The following PRKCE variants were observed in gnomAD, a reference collection of about 807,000 sequenced individuals.
The protein encoded by PRKCE is protein kinase C epsilon type.
A neutral mutation model predicts 85.4 loss-of-function variants in PRKCE; 16 were observed. The observed-to-expected ratio is 0.19, with a 90% confidence interval of 0.13 to 0.28. PRKCE has a LOEUF of 0.28. PRKCE is among the 10% of genes least tolerant of loss of function. PRKCE has a pLI of 1.00. For missense variants in PRKCE, 573 were observed against 975.2 expected (o/e 0.59, Z 5.49); for synonymous variants, 388 against 371.5 (o/e 1.04, Z -0.51).
At chr2:45,682,571 C>T (rs1471343140) in intron 1 of PRKCE, among the ~76,000 whole-genome samples, 1 of 152,038 alleles carries the variant, frequency 6.6e-6, no homozygotes, top group East Asian at 1.9e-4. Context: ...GGATTACAGG[C>T]ACACATCACC....
At chr2:46,150,629 C>T (rs1676528566) in intron 12 of PRKCE, among the ~76,000 whole-genome samples, 1 of 152,192 alleles carries the variant, frequency 6.6e-6, no homozygotes, top group Non-Finnish European at 1.5e-5. Context: ...GTGCCCTGGA[C>T]TGTGTGAGAT....
At chr2:45,744,486 T>C (rs1395096361) in intron 1 of PRKCE, among the ~76,000 whole-genome samples, 4 of 37,144 alleles carry the variant, frequency 1.1e-4, no homozygotes, top group East Asian at 8.8e-4. Context: ...TCTTTCTTTC[T>C]TTTTCTTTCT....
At chr2:45,821,600 C>T (rs1689536934) in intron 1 of PRKCE, among the ~76,000 whole-genome samples, 1 of 152,010 alleles carries the variant, frequency 6.6e-6, no homozygotes, top group South Asian at 2.1e-4. Context: ...TATTTGGAGC[C>T]CAGCATGAGG....
At chr2:46,122,143 C>A (rs1027989155) in intron 11 of PRKCE, among the ~76,000 whole-genome samples, 4 of 152,218 alleles carry the variant, frequency 2.6e-5, no homozygotes, top group Non-Finnish European at 5.9e-5. Flanking sequence ...CAGTGCTCCC[C>A]ACTGCCCGGA....
chr2:45,840,081 G>A (rs533730344), intron 1 of PRKCE, among the ~76,000 whole-genome samples: 1 of 152,120 alleles, frequency 6.6e-6, no homozygotes, highest in South Asian at 2.1e-4. Flanking sequence ...GATAGGCCCC[G>A]AAGCCCATCT....
chr2:45,952,612 G>T (rs1206738912), intron 2 of PRKCE, among the ~76,000 whole-genome samples: 2 of 152,180 alleles, frequency 1.3e-5, no homozygotes, highest in Non-Finnish European at 2.9e-5. Flanking sequence ...GTTGAATTAA[G>T]ATGTAATTAT....
chr2:46,074,247 G>A (rs780745799), intron 10 of PRKCE, among the ~76,000 whole-genome samples: 12 of 152,112 alleles, frequency 7.9e-5, no homozygotes, highest in Admixed American at 2.0e-4. Flanking sequence ...AAGTGAAGGA[G>A]TCAGTAAACA....
At chr2:45,743,078 A>G (rs1264088695) in intron 1 of PRKCE, among the ~76,000 whole-genome samples, 1 of 152,222 alleles carries the variant, frequency 6.6e-6, no homozygotes, top group Non-Finnish European at 1.5e-5. Flanking sequence ...AGTCAGACTC[A>G]GAATAGAATG....
At chr2:45,881,498 T>C (rs1300320214) in intron 2 of PRKCE, among the ~76,000 whole-genome samples, 1 of 152,226 alleles carries the variant, frequency 6.6e-6, no homozygotes, top group East Asian at 1.9e-4. Context: ...GTGATTGCAG[T>C]TAAAATATTT....
chr2:46,177,642 T>C (rs867494953), intron 14 of PRKCE, among the ~76,000 whole-genome samples: 4 of 152,214 alleles, frequency 2.6e-5, no homozygotes, highest in Non-Finnish European at 4.4e-5. Context: ...AATGACCTCA[T>C]CTTCGTTTGA....
intron 1 of PRKCE, among the ~76,000 whole-genome samples, chr2:45,834,581 C>CACATGTGT (rs1411944955): frequency 1.1e-4 from 15 of 140,878 alleles, no homozygotes; most frequent in African/African-American, 4.2e-4. Context: ...ATCACGTGTG[C>CACATGTGT]GCATGTGTGT....
intron 1 of PRKCE, among the ~76,000 whole-genome samples, chr2:45,808,361 A>G (rs773146642): frequency 3.9e-5 from 6 of 152,198 alleles, no homozygotes; most frequent in African/African-American, 1.2e-4. Context: ...TGCCCAGGGA[A>G]TATTGTTCCT....
chr2:46,094,020 A>T (rs1670440454), intron 11 of PRKCE, among the ~76,000 whole-genome samples: 1 of 152,100 alleles, frequency 6.6e-6, no homozygotes, highest in African/African-American at 2.4e-5. Flanking sequence ...TGTAATTATT[A>T]TTGATTCAAC....
chr2:45,864,963 G>A (rs1351067413), intron 2 of PRKCE, among the ~76,000 whole-genome samples: 1 of 152,204 alleles, frequency 6.6e-6, no homozygotes, highest in Admixed American at 6.5e-5. Context: ...GTTCTGGGGT[G>A]AAGCCGAAAA....
chr2:45,673,193 T>G (rs563082339), intron 1 of PRKCE, among the ~76,000 whole-genome samples: 6 of 152,346 alleles, frequency 3.9e-5, no homozygotes, highest in African/African-American at 1.4e-4. Flanking sequence ...ATCAGCCTAC[T>G]GCAATGGTAG....
At chr2:46,059,676 A>C (rs908932708) in intron 10 of PRKCE, among the ~76,000 whole-genome samples, 1 of 152,124 alleles carries the variant, frequency 6.6e-6, no homozygotes, top group Non-Finnish European at 1.5e-5. Context: ...CCCAGAAGCC[A>C]GATGCCTAGA....
intron 1 of PRKCE, among the ~76,000 whole-genome samples, chr2:45,758,023 A>G (rs566265233): frequency 3.3e-5 from 5 of 152,354 alleles, no homozygotes; most frequent in East Asian, 3.9e-4. Flanking sequence ...AGCAAGGCCT[A>G]AAAGACGGAA....
At position 45,723,430 on chromosome 2, in the gene PRKCE, G is replaced by A. The variant is rs146500026; in HGVS notation, c.348+70982G>A. ...ATTTTCAACACAGATGTGCTTCTAG[G>A]CTCCTGGACATTAGGTTAAGTGTGT... On this transcript the variant is annotated intron_variant, in intron 1 of 14. Coordinates refer to ENST00000306156, the MANE Select transcript of PRKCE (RefSeq NM_005400.3). 4.4e-4 allele frequency among the ~76,000 whole-genome samples: 67 copies of A among 152,262 alleles called. 1 individual carries two copies. In the East Asian group the frequency reaches 0.01, roughly 23 times the overall value.
At chr2:45,944,063 A>C (rs1700068707) in intron 2 of PRKCE, among the ~76,000 whole-genome samples, 2 of 152,176 alleles carry the variant, frequency 1.3e-5, no homozygotes, top group Non-Finnish European at 2.9e-5. Flanking sequence ...AGGTATTATG[A>C]ATCTATTCCA....
Sources: allele counts gnomAD v4.1 joint callset (sites outside exome capture counted in the v4.1 genomes callset), GRCh38; gene constraint gnomAD v4.1.1; transcripts MANE v1.5; gene names NCBI Gene and HGNC (gene_info 2026-07-23, HGNC 2026-07-21).